The following ACOT7 variants were observed in gnomAD, a reference collection of about 807,000 sequenced individuals.
ACOT7 encodes the protein acyl-CoA thioesterase 7.
A neutral mutation model predicts 40.2 loss-of-function variants in ACOT7; 12 were observed. That is an observed-to-expected ratio of 0.30 (90% confidence interval 0.19 to 0.48). ACOT7 has a LOEUF of 0.48. Among genes scored for constraint, ACOT7 ranks in the 20% least tolerant of loss-of-function variants. The pLI, the probability that ACOT7 is intolerant of heterozygous loss-of-function variation, is 0.99. For missense variants in ACOT7, 395 were observed against 530.8 expected (o/e 0.74, Z 2.51); for synonymous variants, 228 against 219.5 (o/e 1.04, Z -0.34).
chr1:6,391,920 CTGT>C (rs1642539303), intron 1 of ACOT7, among the ~76,000 whole-genome samples: 1 of 152,038 alleles, frequency 6.6e-6, no homozygotes, highest in African/African-American at 2.4e-5. Flanking sequence ...CTGATGCAGG[CTGT>C]CTGTCTCCAG....
intron 4 of ACOT7, among the ~76,000 whole-genome samples, chr1:6,328,228 T>C (rs376840679): frequency 1.3e-5 from 2 of 152,166 alleles, no homozygotes; most frequent in Non-Finnish European, 2.9e-5. Flanking sequence ...ACCCTGTGTG[T>C]CCCTGCTGAC....
At chr1:6,266,207 C>T (rs749573462) in intron 8 of ACOT7, among the ~76,000 whole-genome samples, 1 of 152,218 alleles carries the variant, frequency 6.6e-6, no homozygotes, top group Non-Finnish European at 1.5e-5. Context: ...TGAGGCTATG[C>T]AATTTGACCT....
In ACOT7 at chr1:6,387,082, G is replaced by A. The variant is rs919636617; in HGVS notation, c.143+6175C>T. 3.9e-5 allele frequency among the ~76,000 whole-genome samples: 6 copies of A among 152,238 alleles called. No individual in the cohort carries two copies. In the South Asian group the frequency reaches 6.2e-4, roughly 16 times the overall value. On this transcript the variant is annotated intron_variant, in intron 1 of 8. Coordinates refer to ENST00000361521, the MANE Select transcript of ACOT7 (RefSeq NM_007274.4). ...TACAGGGCTACGGGGACACAGGAGC[G>A]AGGCCCAGCACTGAGCTCGATCCGG... is the stretch of plus-strand genomic sequence containing the variant.
chr1:6,382,258 G>T (rs1440802491), intron 1 of ACOT7, among the ~76,000 whole-genome samples: 1 of 151,756 alleles, frequency 6.6e-6, no homozygotes, highest in African/African-American at 2.4e-5. Context: ...ACAAAAATTA[G>T]CTGGGCGTGG....
In ACOT7 at chr1:6,306,494, C is replaced by G; in HGVS notation, c.713-11514G>C. 1.0e-6 allele frequency: 1 copy of G among 985,314 alleles called. No homozygotes were observed. The highest frequency in any genetic ancestry group is 1.1e-4 in the East Asian group (1 of 8,802). 61.0% of individuals were successfully genotyped at this position (985,314 alleles called of 1,614,324 possible). A position where few individuals can be genotyped will look rare whatever the true frequency, so the allele number is the denominator to read the frequency against. ...GTTCAAGGTTCAAGTTCACCAGTCC[C>G]CACGTCCCGCTCCCCCGCTGAAGCA... On this transcript the variant is annotated intron_variant, in intron 6 of 8. Coordinates refer to ENST00000361521, the MANE Select transcript of ACOT7 (RefSeq NM_007274.4). This position sits in a 1 kb window ranked among gnomAD's most constrained non-coding sequence, Gnocchi z 4.3.
chr1:6,337,852 G>A (rs1421120154), intron 3 of ACOT7, among the ~76,000 whole-genome samples: 3 of 152,038 alleles, frequency 2.0e-5, no homozygotes, highest in Non-Finnish European at 4.4e-5. Flanking sequence ...GCTCATGCCT[G>A]TAATCCCAGC....
intron 4 of ACOT7, 22 bp from the exon 5 acceptor site, chr1:6,327,435 T>C (rs1349200574): frequency 1.9e-6 from 3 of 1,612,834 alleles, no homozygotes; most frequent in African/African-American, 1.3e-5. Flanking sequence ...CAAAGACAGG[T>C]CAGGCCCAGG....
chr1:6,346,414 G>T (rs1304957713), intron 2 of ACOT7, among the ~76,000 whole-genome samples: 1 of 152,240 alleles, frequency 6.6e-6, no homozygotes, highest in African/African-American at 2.4e-5. Flanking sequence ...GGAGAGGGCA[G>T]GGCCCTGTGG....
At chr1:6,281,004 G>T in intron 8 of ACOT7, 98 bp downstream of exon 8, 3 of 1,475,456 alleles carry the variant, frequency 2.0e-6, no homozygotes, top group Non-Finnish European at 2.7e-6. Context: ...TGACAGGACA[G>T]GACTCATGCA....
At chr1:6,284,784 G>A (rs2148383569) in intron 7 of ACOT7, among the ~76,000 whole-genome samples, 1 of 152,162 alleles carries the variant, frequency 6.6e-6, no homozygotes, top group African/African-American at 2.4e-5. Context: ...GCCTCTACAA[G>A]GGCCCCTAGC....
intron 5 of ACOT7, among the ~76,000 whole-genome samples, chr1:6,326,223 C>A (rs1640794283): frequency 6.6e-6 from 1 of 152,168 alleles, no homozygotes; most frequent in African/African-American, 2.4e-5. Flanking sequence ...AACATGACCA[C>A]CATGTGTGCA....
chr1:6,337,023 C>G (rs1641124950), intron 3 of ACOT7, among the ~76,000 whole-genome samples: 1 of 152,180 alleles, frequency 6.6e-6, no homozygotes, highest in Non-Finnish European at 1.5e-5. Flanking sequence ...AAGGCTGAAG[C>G]TGGGAAGAAG....
chr1:6,353,274 G>A (rs1176063437), intron 1 of ACOT7, among the ~76,000 whole-genome samples: 6 of 151,734 alleles, frequency 4.0e-5, no homozygotes, highest in Non-Finnish European at 7.4e-5. Flanking sequence ...AGCCACAATT[G>A]CACCACTGCA....
rs1279517764 is a variant in ACOT7, at chr1:6,289,751, G to A, written c.829+5113C>T. On this transcript the variant is annotated intron_variant, in intron 7 of 8. Coordinates refer to ENST00000361521, the MANE Select transcript of ACOT7 (RefSeq NM_007274.4). This position sits in a 1 kb window ranked among gnomAD's most constrained non-coding sequence, Gnocchi z 4.6. ...TCACTGTGTTGCCCAGGCTGGTCTC[G>A]AACCCCTGGCTTAAGCAATCCTCCT... 3.9e-5 allele frequency among the ~76,000 whole-genome samples: 6 copies of A among 152,132 alleles called. No homozygotes were observed. Among genetic ancestry groups the A allele is most frequent in the East Asian group, 3.9e-4 (2 of 5,176 alleles).
chr1:6,264,797 G>T (rs934743117), intron 8 of ACOT7, 102 bp from the exon 9 acceptor site: 40 of 1,238,982 alleles, frequency 3.2e-5, no homozygotes, highest in Admixed American at 4.3e-5. Flanking sequence ...CGTGGGATCT[G>T]CCCCACCCCT....
In ACOT7 at chr1:6,294,550, C is replaced by G. The variant is rs1386481871; in HGVS notation, c.829+314G>C. 2.0e-5 allele frequency among the ~76,000 whole-genome samples: 3 copies of G among 152,206 alleles called. No homozygotes were observed. Among genetic ancestry groups the G allele is most frequent in the African/African-American group, 7.2e-5 (3 of 41,448 alleles). On this transcript the variant is annotated intron_variant, in intron 7 of 8. Transcript: ENST00000361521. This position sits in a 1 kb window ranked among gnomAD's most constrained non-coding sequence, Gnocchi z 4.6. Reference sequence around the variant, plus strand: ...ATGTGCTGCCATGAGGTTTGGTGTCCAGGGTCGTGGCAGCTGCAGGCACAG... The same window carrying G: ...ATGTGCTGCCATGAGGTTTGGTGTCGAGGGTCGTGGCAGCTGCAGGCACAG...
At chr1:6,324,177 G>A (rs986719845) in intron 5 of ACOT7, among the ~76,000 whole-genome samples, 1 of 152,074 alleles carries the variant, frequency 6.6e-6, no homozygotes, top group Non-Finnish European at 1.5e-5. Flanking sequence ...CGAGGGTACC[G>A]GGAAGCCATG....
intron 6 of ACOT7, among the ~76,000 whole-genome samples, chr1:6,313,868 G>A (rs1253337685): frequency 1.3e-5 from 2 of 152,144 alleles, no homozygotes; most frequent in African/African-American, 4.8e-5. Context: ...CTGGGTGGCA[G>A]CTGAGCCTTT....
In ACOT7 at chr1:6,339,447, T is replaced by C. The variant is rs777409465; in HGVS notation, c.404A>G (p.Glu135Gly). 6.2e-7 allele frequency: 1 copy of C among 1,613,238 alleles called. No individual in the cohort carries two copies. Among genetic ancestry groups the C allele is most frequent in the Admixed American group, 1.7e-5 (1 of 60,006 alleles). The change falls in exon 3 of 9, where the codon GAA becomes GGA. Residue 135 changes from glutamate to glycine, a missense_variant. Glu to Gly is a moderately conservative substitution (Grantham distance 98, BLOSUM62 -2). Transcript: ENST00000361521. ...CCCAGAAGTACCTGTGAGGATGTTT[T>C]CGGACATCACGTTGACCTGCACCTC... The part of the protein sequence containing the change: ...SVEVQVNVMS[E>G]NILTGAKKLT...
Sources: gnomAD v4.1 joint callset for allele counts (sites outside exome capture counted in the v4.1 genomes callset) on GRCh38, gnomAD v4.1.1 for gene constraint, Gnocchi (gnomAD v3.1) non-coding constraint, MANE v1.5 for transcripts, NCBI Gene and HGNC (gene_info 2026-07-23, HGNC 2026-07-21) for gene names.